TBC1D9: variants seen among roughly 807,000 people sequenced by gnomAD.
TBC1D9 encodes the protein TBC1 domain family member 9A.
TBC1D9 carries 63 observed loss-of-function variants against 132.0 expected under a neutral mutation model. The ratio of observed to expected loss-of-function variants is 0.48; its 90% confidence interval spans 0.39 to 0.59. The LOEUF (loss-of-function observed/expected upper bound fraction) is 0.59. Among genes scored for constraint, TBC1D9 ranks in the 20% least tolerant of loss-of-function variants. The pLI is 0.00. For missense variants in TBC1D9, 1,261 were observed against 1,592.7 expected (o/e 0.79, Z 3.54); for synonymous variants, 610 against 609.9 (o/e 1.00, Z 0.00).
chr4:140,708,218 A>G (rs900692301), intron 1 of TBC1D9, among the ~76,000 whole-genome samples: 1 of 152,222 alleles, frequency 6.6e-6, no homozygotes, highest in Non-Finnish European at 1.5e-5. Context: ...AATCTGCCTT[A>G]AATAATTAAA....
chr4:140,687,343 CATATATATATATATAT>C (rs200090051), intron 2 of TBC1D9, among the ~76,000 whole-genome samples: 674 of 37,786 alleles, frequency 0.018, 11 homozygotes, highest in Middle Eastern at 0.041. Context: ...GTGTGTGTGT[CATATATATATATATAT>C]ATATATATAT....
chr4:140,658,860 A>G (rs1737313090), intron 11 of TBC1D9, among the ~76,000 whole-genome samples: 1 of 152,230 alleles, frequency 6.6e-6, no homozygotes, highest in African/African-American at 2.4e-5. Context: ...CAGATTAATC[A>G]TTTTTTAAAA....
intron 5 of TBC1D9, 93 bp from the exon 6 acceptor site, chr4:140,677,194 C>T: frequency 6.9e-7 from 1 of 1,444,202 alleles, no homozygotes; most frequent in Non-Finnish European, 9.5e-7. Context: ...CATTTTCCAC[C>T]TCCTCAATCT....
chr4:140,624,259 A>G, intron 19 of TBC1D9, 40 bp from the exon 20 acceptor site: 1 of 1,611,204 alleles, frequency 6.2e-7, no homozygotes. Flanking sequence ...TTACAGGCCA[A>G]AAAACAAGTG....
intron 2 of TBC1D9, among the ~76,000 whole-genome samples, chr4:140,689,439 C>T (rs1737839591): frequency 1.3e-5 from 1 of 76,012 alleles, no homozygotes; most frequent in Non-Finnish European, 2.8e-5. Flanking sequence ...CCTTCCCCTC[C>T]CATTCCTTCC....
At chr4:140,750,157 A>T (rs1738898354) in intron 1 of TBC1D9, among the ~76,000 whole-genome samples, 1 of 95,926 alleles carries the variant, frequency 1.0e-5, no homozygotes, top group Admixed American at 1.0e-4. Context: ...GAGAACAAAA[A>T]TTAAAAAAAA....
At chr4:140,748,764 AAAGCTGTCAC>A (rs1738878110) in intron 1 of TBC1D9, among the ~76,000 whole-genome samples, 2 of 152,340 alleles carry the variant, frequency 1.3e-5, no homozygotes, top group Admixed American at 1.3e-4. Context: ...AAAACTGAGA[AAAGCTGTCAC>A]AAGCAGGTCC....
intron 9 of TBC1D9, among the ~76,000 whole-genome samples, chr4:140,666,453 A>G (rs917308446): frequency 1.3e-5 from 2 of 152,118 alleles, no homozygotes; most frequent in African/African-American, 4.8e-5. Flanking sequence ...CTCCTGCCTC[A>G]GCCTCCCGAG....
intron 7 of TBC1D9, among the ~76,000 whole-genome samples, chr4:140,670,164 CA>C (rs1485784263): frequency 6.6e-6 from 1 of 152,180 alleles, no homozygotes; most frequent in Non-Finnish European, 1.5e-5. Flanking sequence ...TCTGGCGCCT[CA>C]AAAATGTCCA....
chr4:140,678,807 T>G, intron 5 of TBC1D9, 135 bp downstream of exon 5: 1 of 1,111,324 alleles, frequency 9.0e-7, no homozygotes, highest in Non-Finnish European at 1.3e-6. Context: ...TCAGCTAGTC[T>G]TTTTTAGTTT....
Position 140,697,131 on chromosome 4 carries a change from CT to C in TBC1D9, c.241+4372del, listed in dbSNP as rs1737972012. 1.3e-5 allele frequency among the ~76,000 whole-genome samples: 2 copies of C among 152,144 alleles called. 1 individual carries two copies. Among genetic ancestry groups the C allele is most frequent in the Admixed American group, 1.3e-4 (2 of 15,250 alleles). Reference sequence around the variant, plus strand: ...GTGGCTCACACTTGTAAACCTAGCACTTTGGGAAGCTGAGGCAGGCGGATGG... The same window carrying C: ...GTGGCTCACACTTGTAAACCTAGCACTTGGGAAGCTGAGGCAGGCGGATGG... On this transcript the variant is annotated intron_variant, in intron 2 of 20. Coordinates refer to ENST00000442267, the MANE Select transcript of TBC1D9 (RefSeq NM_015130.3).
At chr4:140,727,935 C>T (rs182607651) in intron 1 of TBC1D9, among the ~76,000 whole-genome samples, 8 of 152,276 alleles carry the variant, frequency 5.3e-5, no homozygotes, top group Admixed American at 4.6e-4. Flanking sequence ...AGGAGTATTA[C>T]CTTTTGCTAA....
chr4:140,645,092 G>A, intron 13 of TBC1D9: 1 of 537,752 alleles, frequency 1.9e-6, no homozygotes, highest in Non-Finnish European at 3.6e-6. Context: ...AGGTCACCAG[G>A]AGGTTGGGGT....
At chr4:140,672,521 G>A (rs903544864) in intron 6 of TBC1D9, among the ~76,000 whole-genome samples, 13 of 152,124 alleles carry the variant, frequency 8.5e-5, no homozygotes, top group African/African-American at 2.7e-4. Flanking sequence ...ATGCCAAGGA[G>A]ATGAAAGGTT....
rs767747261 is a variant in TBC1D9 at position 140,622,256 on chromosome 4, C to T, written c.3740G>A (p.Arg1247Gln). Reference protein sequence around the residue: ...MARITSAKNIRMMGKPLTSAS... With the variant: ...MARITSAKNIQMMGKPLTSAS... ...CGAGGTGAGGGGCTTGCCCATCATC[C>T]GGATGTTTTTTGCACTGGTAATCCT... The change falls in exon 21 of 21, where the codon CGG becomes CAG. Residue 1247 changes from arginine to glutamine, a missense_variant. By Grantham distance (43) the Arg-to-Gln change is conservative. Transcript: ENST00000442267. 2 of 1,605,790 alleles carry T rather than the reference C, an allele frequency of 1.2e-6. No individual in the cohort carries two copies. The highest frequency in any genetic ancestry group is 3.3e-5 in the Admixed American group (2 of 59,906).
chr4:140,666,627 C>T (rs28361993), intron 9 of TBC1D9, among the ~76,000 whole-genome samples: 3 of 151,854 alleles, frequency 2.0e-5, no homozygotes, highest in African/African-American at 7.3e-5. Flanking sequence ...CGTGAGCCAC[C>T]GCGCCCAGCC....
rs373609324 is a variant in TBC1D9, at chr4:140,720,577, G to C, written c.131-18963C>G. On this transcript the variant is annotated intron_variant, in intron 1 of 20. Coordinates refer to ENST00000442267, the MANE Select transcript of TBC1D9 (RefSeq NM_015130.3). ...GGGATTTGCTCAACTGTCCAAGCCAGTCTATTCTGCTGCTTCCCACACACA... is the reference window on the plus strand; with the variant it reads ...GGGATTTGCTCAACTGTCCAAGCCACTCTATTCTGCTGCTTCCCACACACA... Among the ~76,000 whole-genome samples, 291 of 152,360 alleles carry C rather than the reference G, an allele frequency of 1.9e-3. 2 individuals are homozygous for C. Among genetic ancestry groups the C allele is most frequent in the African/African-American group, 6.4e-3 (265 of 41,576 alleles).
rs778415269 is a variant in TBC1D9, at chr4:140,639,069, T to C, written c.2505+17A>G. The stretch of plus-strand genomic sequence containing the variant: ...CTTTACTCCTTTGAATGGGCATGAA[T>C]TTACCTTGCAACTCACCTTGAAAAG... On this transcript the variant is annotated intron_variant, in intron 15 of 20. Transcript: ENST00000442267. 1.1e-5 allele frequency: 17 copies of C among 1,569,230 alleles called. No individual in the cohort carries two copies. Among genetic ancestry groups the C allele is most frequent in the Non-Finnish European group, 1.4e-5 (16 of 1,154,640 alleles).
chr4:140,621,868 A>C lies in TBC1D9; in HGVS notation c.*327T>G. 1 of 195,270 alleles carries C rather than the reference A, an allele frequency of 5.1e-6. No individual in the cohort carries two copies. Among genetic ancestry groups the C allele is most frequent in the Non-Finnish European group, 1.0e-5 (1 of 97,138 alleles). 12.1% of individuals were successfully genotyped at this position (195,270 alleles called of 1,614,324 possible). ...TAGCATTAAACAGTACTATTTTTTA[A>C]ACCATGTATACAGCTCAACAGCAAG... On this transcript the variant is annotated 3_prime_UTR_variant, in exon 21 of 21. Transcript: ENST00000442267.
Sources: gnomAD v4.1 joint callset for allele counts (sites outside exome capture counted in the v4.1 genomes callset) on GRCh38, gnomAD v4.1.1 for gene constraint, MANE v1.5 for transcripts, NCBI Gene and HGNC (gene_info 2026-07-23, HGNC 2026-07-21) for gene names.